Variants in PIP5K1B observed in about 807,000 individuals in gnomAD.
PIP5K1B encodes phosphatidylinositol 4-phosphate 5-kinase type-1 beta.
A neutral mutation model predicts 67.0 loss-of-function variants in PIP5K1B; 42 were observed. The ratio of observed to expected loss-of-function variants is 0.63; its 90% CI spans 0.49 to 0.81. The LOEUF (loss-of-function observed/expected upper bound fraction) is 0.81. Among genes scored for constraint, PIP5K1B ranks in the 30% least tolerant of loss-of-function variants. The pLI is 0.00. For missense variants in PIP5K1B, 459 were observed against 646.3 expected (o/e 0.71, Z 3.14); for synonymous variants, 214 against 231.4 (o/e 0.92, Z 0.68).
chr9:68,997,664 A>G (rs1245574714), intron 15 of PIP5K1B, among the ~76,000 whole-genome samples: 1 of 152,212 alleles, frequency 6.6e-6, no homozygotes, highest in Non-Finnish European at 1.5e-5. Context: ...TTGACAAATA[A>G]TATTTCTAAG....
intron 2 of PIP5K1B, among the ~76,000 whole-genome samples, chr9:68,759,394 T>G (rs751810681): frequency 6.6e-6 from 1 of 152,062 alleles, no homozygotes; most frequent in Non-Finnish European, 1.5e-5. Flanking sequence ...CTGTTAAAAA[T>G]TGAGTACAGC....
chr9:68,710,559 C>G (rs1827338303), intron 1 of PIP5K1B, among the ~76,000 whole-genome samples: 1 of 152,102 alleles, frequency 6.6e-6, no homozygotes, highest in Non-Finnish European at 1.5e-5. Flanking sequence ...GTATTTACTT[C>G]TGTATCGCTT....
chr9:68,793,914 A>G (rs1321522712), intron 2 of PIP5K1B, among the ~76,000 whole-genome samples: 1 of 152,224 alleles, frequency 6.6e-6, no homozygotes, highest in African/African-American at 2.4e-5. Context: ...GAAGCATTCT[A>G]TAACATTGAA....
At chr9:68,889,970 T>A (rs1043938744) in intron 7 of PIP5K1B, among the ~76,000 whole-genome samples, 14 of 152,134 alleles carry the variant, frequency 9.2e-5, no homozygotes, top group Non-Finnish European at 1.9e-4. Flanking sequence ...CACAGCAACC[T>A]TGGATACTAC....
intron 1 of PIP5K1B, among the ~76,000 whole-genome samples, chr9:68,712,162 G>T (rs1270629740): frequency 6.6e-6 from 1 of 152,128 alleles, no homozygotes; most frequent in African/African-American, 2.4e-5. Context: ...TGCTCTATGA[G>T]TTTACATGAG....
At chr9:68,955,865 A>G (rs1372281962) in intron 14 of PIP5K1B, among the ~76,000 whole-genome samples, 1 of 152,220 alleles carries the variant, frequency 6.6e-6, no homozygotes, top group African/African-American at 2.4e-5. Flanking sequence ...CCTAAGAACT[A>G]TGTCTTTGAT....
intron 14 of PIP5K1B, among the ~76,000 whole-genome samples, chr9:68,987,781 C>T (rs531972139): frequency 1.3e-5 from 2 of 152,140 alleles, no homozygotes; most frequent in African/African-American, 4.8e-5. Context: ...GAGAGAGGAG[C>T]AAAAGCAGAA....
At chr9:68,935,938 G>A (rs1827244256) in intron 13 of PIP5K1B, 2 of 152,166 alleles carry the variant, frequency 1.3e-5, no homozygotes, top group African/African-American at 4.8e-5. Context: ...AATCTTCTCT[G>A]TATCGTTCCA....
At chr9:68,735,305 TC>T (rs1455070591) in intron 1 of PIP5K1B, among the ~76,000 whole-genome samples, 3 of 146,836 alleles carry the variant, frequency 2.0e-5, no homozygotes, top group Non-Finnish European at 4.5e-5. Flanking sequence ...TTTGCTGTTT[TC>T]CCCTAGTGTC....
intron 4 of PIP5K1B, among the ~76,000 whole-genome samples, chr9:68,832,002 C>T (rs1834350446): frequency 6.6e-6 from 1 of 152,188 alleles, no homozygotes; most frequent in South Asian, 2.1e-4. Flanking sequence ...AAATGTTTTC[C>T]CTGATTCATT....
intron 2 of PIP5K1B, among the ~76,000 whole-genome samples, chr9:68,771,794 C>G (rs990052658): frequency 2.6e-5 from 4 of 152,212 alleles, no homozygotes; most frequent in Admixed American, 2.0e-4. Context: ...AAAATCTGTA[C>G]CATTTCCTAA....
chr9:68,897,990 C>T (rs1825173636), intron 8 of PIP5K1B, among the ~76,000 whole-genome samples: 1 of 152,156 alleles, frequency 6.6e-6, no homozygotes, highest in Non-Finnish European at 1.5e-5. Context: ...CCTGAACAGC[C>T]TCATCCTGCA....
chr9:68,862,618 C>T (rs2132257106), intron 4 of PIP5K1B, among the ~76,000 whole-genome samples: 1 of 152,028 alleles, frequency 6.6e-6, no homozygotes, highest in East Asian at 1.9e-4. Context: ...ATGGCGAAAT[C>T]CCATCTCTAC....
At chr9:68,822,516 C>T (rs1833779927) in intron 3 of PIP5K1B, 99 bp from the exon 4 acceptor site, 1 of 853,442 alleles carries the variant, frequency 1.2e-6, no homozygotes, top group East Asian at 2.6e-5. Flanking sequence ...ATAACAAAAA[C>T]ATACTTAACT....
chr9:68,862,388 C>T (rs1378577932), intron 4 of PIP5K1B, among the ~76,000 whole-genome samples: 1 of 152,134 alleles, frequency 6.6e-6, no homozygotes, highest in African/African-American at 2.4e-5. Flanking sequence ...GGATTGATTA[C>T]CAGGGCAATT....
chr9:68,868,292 C>T (rs191266171), intron 5 of PIP5K1B, among the ~76,000 whole-genome samples: 13 of 152,292 alleles, frequency 8.5e-5, no homozygotes, highest in Admixed American at 8.5e-4. Context: ...ACCATGTAAA[C>T]AAGGACCTAA....
chr9:68,900,149 T>C (rs555090368), intron 8 of PIP5K1B, among the ~76,000 whole-genome samples: 38 of 152,374 alleles, frequency 2.5e-4, no homozygotes, highest in Non-Finnish European at 4.1e-4. Context: ...TACCATATTT[T>C]CATTATCCAG....
chr9:68,707,300 T>C (rs1374803815), intron 1 of PIP5K1B, among the ~76,000 whole-genome samples: 1 of 152,188 alleles, frequency 6.6e-6, no homozygotes, highest in Non-Finnish European at 1.5e-5. Flanking sequence ...AATAACACCT[T>C]ACATTTGCAT....
chr9:68,902,157 G>A (rs1384681887), intron 8 of PIP5K1B, among the ~76,000 whole-genome samples: 1 of 152,108 alleles, frequency 6.6e-6, no homozygotes, highest in Non-Finnish European at 1.5e-5. Flanking sequence ...GGGAGGTTCT[G>A]TGCAATTTCA....
Sources: allele counts gnomAD v4.1 joint callset (sites outside exome capture counted in the v4.1 genomes callset), GRCh38; gene constraint gnomAD v4.1.1; transcripts MANE v1.5; gene names NCBI Gene and HGNC (gene_info 2026-07-23, HGNC 2026-07-21).